The following PAK5 variants were observed in gnomAD, a reference collection of about 807,000 sequenced individuals.
PAK5 encodes p21 (RAC1) activated kinase 5, also known as serine/threonine-protein kinase PAK 5.
Under a neutral mutation model 65.9 loss-of-function variants are expected in PAK5, and 16 were observed. The observed-to-expected ratio is 0.24, with a 90% CI of 0.16 to 0.37. The LOEUF (loss-of-function observed/expected upper bound fraction) is 0.37, where lower values mean the gene tolerates loss of function less well. Ranked by LOEUF, PAK5 falls within the 10% of genes least tolerant of loss-of-function variation. The pLI, the probability that PAK5 is intolerant of heterozygous loss-of-function variation, is 1.00. For missense variants in PAK5, 785 were observed against 903.9 expected (o/e 0.87, Z 1.69); for synonymous variants, 371 against 354.9 (o/e 1.05, Z -0.51).
chr20:9,601,708 G>A (rs940222295), intron 3 of PAK5, among the ~76,000 whole-genome samples: 14 of 152,074 alleles, frequency 9.2e-5, no homozygotes, highest in Admixed American at 8.5e-4. Flanking sequence ...TGGAATGTTG[G>A]TGAACTGACA....
At chr20:9,576,614 T>G (rs112187866) in intron 4 of PAK5, among the ~76,000 whole-genome samples, 3 of 152,328 alleles carry the variant, frequency 2.0e-5, no homozygotes, top group African/African-American at 7.2e-5. Context: ...GCTAATTAAC[T>G]GCTAATGCAA....
chr20:9,662,216 T>C (rs566380510), intron 2 of PAK5, among the ~76,000 whole-genome samples: 1 of 152,292 alleles, frequency 6.6e-6, no homozygotes, highest in East Asian at 1.9e-4. Flanking sequence ...CCAACTGTGA[T>C]CACTTCTTGG....
At chr20:9,645,238 A>G (rs997688744) in intron 2 of PAK5, among the ~76,000 whole-genome samples, 1 of 152,226 alleles carries the variant, frequency 6.6e-6, no homozygotes, top group Non-Finnish European at 1.5e-5. Flanking sequence ...TTTACAGTGT[A>G]CTTTACCTGT....
intron 1 of PAK5, among the ~76,000 whole-genome samples, chr20:9,737,939 G>C (rs543956716): frequency 6.6e-6 from 1 of 152,158 alleles, no homozygotes; most frequent in Non-Finnish European, 1.5e-5. Context: ...TCAAGAGATC[G>C]AGACCACCCT....
At chr20:9,623,350 T>A (rs950066690) in intron 3 of PAK5, among the ~76,000 whole-genome samples, 2 of 151,440 alleles carry the variant, frequency 1.3e-5, no homozygotes, top group African/African-American at 4.9e-5. Flanking sequence ...TCCAAGTTAA[T>A]AAAGGAGAGG....
chr20:9,749,695 T>G (rs998156903), intron 1 of PAK5, among the ~76,000 whole-genome samples: 18 of 152,204 alleles, frequency 1.2e-4, no homozygotes, highest in African/African-American at 4.3e-4. Flanking sequence ...AAGTAGCCAG[T>G]ATACAAACTG....
At chr20:9,612,094 G>T (rs1465585784) in intron 3 of PAK5, among the ~76,000 whole-genome samples, 15 of 152,126 alleles carry the variant, frequency 9.9e-5, no homozygotes, top group Admixed American at 5.9e-4. Flanking sequence ...CATGGAAAAT[G>T]CTGCAGGGAT....
chr20:9,544,501 A>G lies in PAK5; in HGVS notation c.1744-7T>C. Reference sequence around the variant, plus strand: ...CAAAATCAGACAACTTTATCTGAAAAGGAAAGGAATGCAACAAACTAGCAA... The same window carrying G: ...CAAAATCAGACAACTTTATCTGAAAGGGAAAGGAATGCAACAAACTAGCAA... On this transcript the variant is annotated splice_polypyrimidine_tract_variant and splice_region_variant and intron_variant, in intron 7 of 9. Coordinates refer to ENST00000353224, the MANE Select transcript of PAK5 (RefSeq NM_177990.4). The G allele has an allele frequency of 6.2e-7, 1 of 1,613,194 alleles. No individual in the cohort carries two copies. The highest frequency in any genetic ancestry group is 1.3e-5 in the African/African-American group (1 of 75,060).
In PAK5 at chr20:9,580,265, C is replaced by G. The variant is rs149925869; in HGVS notation, c.870G>C (p.Ser290=). Residue 290 remains serine (S), a synonymous_variant, in exon 4 of 10, where the codon TCG becomes TCC. Coordinates refer to ENST00000353224, the MANE Select transcript of PAK5 (RefSeq NM_177990.4). ...PTMRQRSRSG[S]GLQEPMMPFG... is the part of the protein sequence containing the mutation. ...ATGGCATCATCGGTTCCTGGAGTCC[C>G]GAGCCTGACCTGGACCTCTGCCGCA... The G allele has an allele frequency of 1.9e-6, 3 of 1,613,980 alleles. No homozygotes were observed. The highest frequency in any genetic ancestry group is 1.3e-5 in the African/African-American group (1 of 74,898).
Position 9,538,230 on chromosome 20 carries a change from C to T in PAK5, c.*1232G>A, listed in dbSNP as rs767466863. ...AGACAGCAGCACGACTCTCCTATGT[C>T]GGAAACACATTATAACATGGGCACA... On this transcript the variant is annotated 3_prime_UTR_variant, in exon 10 of 10. Transcript: ENST00000353224. 3.4e-5 allele frequency: 8 copies of T among 233,560 alleles called. No individual in the cohort carries two copies. Among genetic ancestry groups the T allele is most frequent in the African/African-American group, 8.8e-5 (4 of 45,438 alleles). The allele number at this position is 233,560 out of a possible 1,614,324, so 14.5% of individuals were successfully genotyped here.
chr20:9,735,528 T>C lies in PAK5; in HGVS notation c.-161-24093A>G, dbSNP rs147131150. ...TGGAAAGGCCGAAGATCCGTGGACG[T>C]TAGGTAAAGTACTCAGGAAGGTCTT... On this transcript the variant is annotated intron_variant, in intron 1 of 9. Coordinates refer to ENST00000353224, the MANE Select transcript of PAK5 (RefSeq NM_177990.4). Among the ~76,000 whole-genome samples, 24 of 152,106 alleles carry C rather than the reference T, an allele frequency of 1.6e-4. No individual in the cohort carries two copies. In the East Asian group the frequency reaches 3.3e-3, roughly 21 times the overall value.
chr20:9,687,291 G>A (rs370515582), intron 2 of PAK5, among the ~76,000 whole-genome samples: 1 of 152,178 alleles, frequency 6.6e-6, no homozygotes, highest in South Asian at 2.1e-4. Flanking sequence ...TAGATACAGT[G>A]CCAAGATTCT....
intron 3 of PAK5, among the ~76,000 whole-genome samples, chr20:9,635,428 A>G (rs12624866): frequency 0.35 from 53,158 of 151,922 alleles, 10,680 homozygotes; most frequent in South Asian, 0.63. Flanking sequence ...GCCCCGTGCC[A>G]TCCAATCTCT....
intron 7 of PAK5, among the ~76,000 whole-genome samples, chr20:9,546,998 T>C (rs1334237234): frequency 7.2e-5 from 11 of 152,198 alleles, no homozygotes; most frequent in Non-Finnish European, 2.9e-5. Context: ...TGTGATCTTA[T>C]TTGGAAGAGT....
rs148855884 is a variant in PAK5, at chr20:9,556,577, G to A, written c.1743+1031C>T. On this transcript the variant is annotated intron_variant, in intron 7 of 9. Transcript: ENST00000353224. ...TCTGGTGGGAGTTTCAGGGGGCTCC[G>A]GAGAGCCTAATGGTATAGAGCTATG... is the stretch of plus-strand genomic sequence containing the variant. 3.8e-3 allele frequency among the ~76,000 whole-genome samples: 583 copies of A among 152,260 alleles called. 4 individuals are homozygous for A. The highest frequency in any genetic ancestry group is 0.012 in the African/African-American group (509 of 41,554).
At chr20:9,830,688 C>T (rs1449717541) in intron 1 of PAK5, among the ~76,000 whole-genome samples, 1 of 152,098 alleles carries the variant, frequency 6.6e-6, no homozygotes, top group African/African-American at 2.4e-5. Flanking sequence ...AAGGATCAGG[C>T]TGAAAATCCA....
chr20:9,772,838 G>C (rs2048849110), intron 1 of PAK5, among the ~76,000 whole-genome samples: 1 of 152,174 alleles, frequency 6.6e-6, no homozygotes, highest in African/African-American at 2.4e-5. Context: ...TTCAGGGAAG[G>C]CTGGATGTGT....
chr20:9,643,147 T>C (rs2047090805), intron 3 of PAK5, among the ~76,000 whole-genome samples: 1 of 152,212 alleles, frequency 6.6e-6, no homozygotes, highest in South Asian at 2.1e-4. Flanking sequence ...GAATAACATA[T>C]TCAAATAGCA....
chr20:9,691,655 A>G (rs1322132034), intron 2 of PAK5, among the ~76,000 whole-genome samples: 2 of 152,078 alleles, frequency 1.3e-5, no homozygotes, highest in Admixed American at 1.3e-4. Context: ...AATGATTAAT[A>G]TTCACAAATA....
Sources: gnomAD v4.1 joint callset for allele counts (sites outside exome capture counted in the v4.1 genomes callset) on GRCh38, gnomAD v4.1.1 for gene constraint, MANE v1.5 for transcripts, NCBI Gene and HGNC (gene_info 2026-07-23, HGNC 2026-07-21) for gene names.